The following GNAS variants were observed in gnomAD, a reference collection of about 807,000 sequenced individuals.
GNAS encodes the protein protein ALEX.
In GNAS, 8 loss-of-function variants were observed where a neutral mutation model predicts 54.5. The ratio of observed to expected loss-of-function variants is 0.15; its 90% CI spans 0.09 to 0.26. The LOEUF is 0.26. Among genes scored for constraint, GNAS ranks in the 10% least tolerant of loss-of-function variants. GNAS has a pLI of 1.00. For missense variants in GNAS, 170 were observed against 529.8 expected (o/e 0.32, Z 6.67); for synonymous variants, 204 against 191.4 (o/e 1.07, Z -0.54).
At chr20:58,886,943 G>A (rs1245348593), upstream of GNAS, among the ~76,000 whole-genome samples, 1 of 152,232 alleles carries the variant, frequency 6.6e-6, no homozygotes, top group Non-Finnish European at 1.5e-5. Context: ...TTTGAAGAGT[G>A]GCCTCATAGA....
At chr20:58,893,919 G>A (rs1227027569) in intron 1 of GNAS, among the ~76,000 whole-genome samples, 1 of 152,150 alleles carries the variant, frequency 6.6e-6, no homozygotes, top group Non-Finnish European at 1.5e-5. Flanking sequence ...CTTGCGTCAC[G>A]GGGGCTAATC....
At chr20:58,903,420 C>T in intron 3 of GNAS, 111 bp from the exon 4 acceptor site, 2 of 933,528 alleles carry the variant, frequency 2.1e-6, no homozygotes, top group South Asian at 1.4e-5. Flanking sequence ...GAACCCACAA[C>T]TCCCTGAAGA....
upstream of GNAS, among the ~76,000 whole-genome samples, chr20:58,887,549 T>G (rs974714154): frequency 1.3e-5 from 2 of 152,244 alleles, no homozygotes; most frequent in East Asian, 3.8e-4. Context: ...CAGGTGTATC[T>G]GCACAATATT....
In GNAS at chr20:58,910,486, G is replaced by T; in HGVS notation, c.1038+85G>T. 8.2e-7 allele frequency: 1 copy of T among 1,215,966 alleles called. No individual in the cohort carries two copies. The highest frequency in any genetic ancestry group is 1.2e-6 in the Non-Finnish European group (1 of 820,822). 75.3% of individuals were successfully genotyped at this position (1,215,966 alleles called of 1,614,324 possible). A position where few individuals can be genotyped will look rare whatever the true frequency, so the allele number is the denominator to read the frequency against. On this transcript the variant is annotated intron_variant, in intron 12 of 12. Transcript: ENST00000371085. This position sits in a 1 kb window ranked among gnomAD's most constrained non-coding sequence, Gnocchi z 5.8. ...AATTTACTTAATTCCAAATTCAGGGGTTCAGCTACCCAGTTCCATGGTTTT... is the reference window on the plus strand; with the variant it reads ...AATTTACTTAATTCCAAATTCAGGGTTTCAGCTACCCAGTTCCATGGTTTT...
chr20:58,855,803 T>G (rs1412453576), intron 1 of GNAS: 2 of 605,554 alleles, frequency 3.3e-6, no homozygotes, highest in Non-Finnish European at 5.9e-6. Context: ...TGTGTGTTGG[T>G]GTCCATATTC....
At chr20:58,884,737 G>A (rs927865388) in intron 1 of GNAS, 2 of 152,222 alleles carry the variant, frequency 1.3e-5, no homozygotes, top group African/African-American at 4.8e-5. Context: ...TTTCAGTTTA[G>A]GAAAATTAGC....
At chr20:58,855,634 AG>A in intron 1 of GNAS, 1 of 610,434 alleles carries the variant, frequency 1.6e-6, no homozygotes. Flanking sequence ...CTGGACAGGC[AG>A]GGGCTTCAGG....
At chr20:58,900,086 T>TGG in intron 3 of GNAS, 1 of 400,756 alleles carries the variant, frequency 2.5e-6, no homozygotes, top group Non-Finnish European at 4.8e-6. Flanking sequence ...GGAGGGGGGA[T>TGG]GGGGCCCCTG....
chr20:58,894,537 TTG>T (rs2089859488), intron 1 of GNAS, among the ~76,000 whole-genome samples: 1 of 152,240 alleles, frequency 6.6e-6, no homozygotes, highest in Non-Finnish European at 1.5e-5. Context: ...AATAACAGAT[TTG>T]TGTGGAAGGA....
At position 58,910,488 on chromosome 20, in the gene GNAS, T is replaced by C. The variant is rs958207820; in HGVS notation, c.1038+87T>C. The C allele has an allele frequency of 7.5e-6, 9 of 1,202,920 alleles. No homozygotes were observed. The African/African-American group carries it at 1.3e-4, about 18-fold the overall frequency. 74.5% of individuals were successfully genotyped at this position (1,202,920 alleles called of 1,614,324 possible). A position where few individuals can be genotyped will look rare whatever the true frequency, so the allele number is the denominator to read the frequency against. ...TTTACTTAATTCCAAATTCAGGGGTTCAGCTACCCAGTTCCATGGTTTTAG... is the reference window on the plus strand; with the variant it reads ...TTTACTTAATTCCAAATTCAGGGGTCCAGCTACCCAGTTCCATGGTTTTAG... On this transcript the variant is annotated intron_variant, in intron 12 of 12. Coordinates refer to ENST00000371085, the MANE Select transcript of GNAS (RefSeq NM_000516.7). This position sits in a 1 kb window ranked among gnomAD's most constrained non-coding sequence, Gnocchi z 5.8.
chr20:58,903,927 T>C (rs2090867549), intron 5 of GNAS, 136 bp downstream of exon 5: 1 of 851,678 alleles, frequency 1.2e-6, no homozygotes, highest in African/African-American at 1.7e-5. Context: ...ATTTCAGTGA[T>C]GTCCATCCTT....
intron 1 of GNAS, among the ~76,000 whole-genome samples, chr20:58,866,387 A>G (rs187193152): frequency 6.6e-6 from 1 of 152,216 alleles, no homozygotes; most frequent in African/African-American, 2.4e-5. Flanking sequence ...GTAACAATCC[A>G]AGGACATTTC....
intron 1 of GNAS, among the ~76,000 whole-genome samples, chr20:58,883,856 A>C (rs892399125): frequency 1.4e-4 from 21 of 152,322 alleles, no homozygotes; most frequent in Middle Eastern, 3.4e-3. Context: ...CTGTGCCCCG[A>C]TGGTTAGTTC....
At chr20:58,896,903 C>G (rs997758144) in intron 2 of GNAS, among the ~76,000 whole-genome samples, 4 of 151,976 alleles carry the variant, frequency 2.6e-5, no homozygotes, top group African/African-American at 9.7e-5. Flanking sequence ...ACAAAACAAA[C>G]AAAAAAACCT....
intron 1 of GNAS, among the ~76,000 whole-genome samples, chr20:58,870,725 G>A (rs900856820): frequency 4.6e-5 from 7 of 152,056 alleles, no homozygotes; most frequent in South Asian, 2.1e-4. Flanking sequence ...TTCTCCCTGC[G>A]CCAGACGCAC....
chr20:58,860,128 A>C (rs2086709589), intron 1 of GNAS, among the ~76,000 whole-genome samples: 1 of 152,226 alleles, frequency 6.6e-6, no homozygotes, highest in South Asian at 2.1e-4. Flanking sequence ...ATTATAGCAA[A>C]ACGCACAGAT....
At chr20:58,906,895 A>G (rs550349866) in intron 6 of GNAS, among the ~76,000 whole-genome samples, 3 of 152,314 alleles carry the variant, frequency 2.0e-5, no homozygotes, top group Admixed American at 2.0e-4. Flanking sequence ...TCAGTTAATG[A>G]TATTCTGAAG....
chr20:58,900,432 TTC>T (rs1296434348), intron 3 of GNAS: 1 of 200,412 alleles, frequency 5.0e-6, no homozygotes, highest in Non-Finnish European at 1.0e-5. Flanking sequence ...CGCGTCTGTC[TTC>T]TGTCTTCCTT....
intron 1 of GNAS, among the ~76,000 whole-genome samples, chr20:58,845,439 G>A (rs961297367): frequency 4.6e-5 from 7 of 152,040 alleles, no homozygotes; most frequent in African/African-American, 1.7e-4. Context: ...TTTATGCACT[G>A]CAGGACCTTG....
Sources: gnomAD v4.1 joint callset for allele counts (sites outside exome capture counted in the v4.1 genomes callset) on GRCh38, gnomAD v4.1.1 for gene constraint, Gnocchi (gnomAD v3.1) non-coding constraint, MANE v1.5 for transcripts, NCBI Gene and HGNC (gene_info 2026-07-23, HGNC 2026-07-21) for gene names.